Variants in TECR observed in about 807,000 individuals in gnomAD.
TECR encodes the protein trans-2,3-enoyl-CoA reductase.
A neutral mutation model predicts 50.6 loss-of-function variants in TECR; 19 were observed. That is an observed-to-expected ratio of 0.38 (90% CI 0.26 to 0.55). TECR has a LOEUF of 0.55. Ranked by LOEUF, TECR falls within the 20% of genes least tolerant of loss-of-function variation. The pLI, the probability that TECR is intolerant of heterozygous loss-of-function variation, is 0.79. For synonymous variants in TECR, 168 were observed against 163.5 expected, an observed-to-expected ratio of 1.03 and a Z score of -0.21; for missense variants, 313 against 408.3, an observed-to-expected ratio of 0.77 and a Z score of 2.01.
Position 14,563,506 on chromosome 19 carries a change from C to G in TECR, c.119-152C>G. 9.5e-7 allele frequency: 1 copy of G among 1,047,482 alleles called. No individual in the cohort carries two copies. The highest frequency in any genetic ancestry group is 1.4e-6 in the Non-Finnish European group (1 of 698,722). 64.9% of individuals were successfully genotyped at this position (1,047,482 alleles called of 1,614,324 possible). ...TTCTGGCTTGTGTCCTGAAACCGCA[C>G]AAGCCTGAGGGTTTGCCCCCAGGTG... On this transcript the variant is annotated intron_variant, in intron 3 of 12. Coordinates refer to ENST00000215567, the MANE Select transcript of TECR (RefSeq NM_138501.6). This position sits in a 1 kb window ranked among gnomAD's most constrained non-coding sequence, Gnocchi z 5.3.
intron 1 of TECR, among the ~76,000 whole-genome samples, chr19:14,543,408 TATATATATATA>T (rs1168055415): frequency 0.022 from 223 of 10,300 alleles, 2 homozygotes; most frequent in South Asian, 0.073. Context: ...TATATATATA[TATATATATATA>T]TTTTTTTTTT....
intron 2 of TECR, chr19:14,562,993 A>G: frequency 3.2e-6 from 2 of 621,550 alleles, no homozygotes; most frequent in Non-Finnish European, 2.8e-6. Context: ...CTGCTGGCTG[A>G]GGGTAAAAGT....
chr19:14,548,184 G>A (rs777071934), intron 1 of TECR, among the ~76,000 whole-genome samples: 11 of 151,698 alleles, frequency 7.3e-5, no homozygotes, highest in African/African-American at 2.7e-4. Flanking sequence ...GGATCGTGTC[G>A]ATCTCCTGAC....
rs371527318 is a variant in TECR, at chr19:14,540,057, T to A, written c.15+10346T>A. On this transcript the variant is annotated intron_variant, in intron 1 of 12. Transcript: ENST00000215567. ...ACCATGCCTGGCTAATTTTTGAATTTATTTAATTTTTTTTTTTTTTGAGAC... is the reference window on the plus strand; with the variant it reads ...ACCATGCCTGGCTAATTTTTGAATTAATTTAATTTTTTTTTTTTTTGAGAC... Among the ~76,000 whole-genome samples the A allele has an allele frequency of 5.1e-4, 72 of 141,946 alleles. No individual in the cohort carries two copies. The South Asian group carries it at 0.01, about 20-fold the overall frequency. The allele number at this position is 141,946 out of a possible 152,430, so 93.1% of individuals were successfully genotyped here.
chr19:14,559,041 G>A (rs1232892025), intron 1 of TECR, among the ~76,000 whole-genome samples: 3 of 152,138 alleles, frequency 2.0e-5, no homozygotes, highest in Non-Finnish European at 2.9e-5. Flanking sequence ...TGTGGGGCGC[G>A]GAGCCCTCGA....
rs201367074 is a variant in TECR, at chr19:14,534,588, AC to A, written c.15+4879del. Among the ~76,000 whole-genome samples the A allele has an allele frequency of 6.8e-3, 1,039 of 152,030 alleles. 12 individuals are homozygous for A. The highest frequency in any genetic ancestry group is 0.024 in the African/African-American group (1,000 of 41,456). ...GTAGCTGTTATTACAGGTGGGTGCC[AC>A]CATGCCCGGCTAATTTCTGTAGTTT... On this transcript the variant is annotated intron_variant, in intron 1 of 12. Transcript: ENST00000215567.
At chr19:14,550,410 G>T (rs943180619) in intron 1 of TECR, among the ~76,000 whole-genome samples, 4 of 152,112 alleles carry the variant, frequency 2.6e-5, no homozygotes, top group Admixed American at 2.0e-4. Flanking sequence ...GCAGTCGGGG[G>T]TTGGCCCGGA....
At chr19:14,556,368 G>A (rs566128118) in intron 1 of TECR, among the ~76,000 whole-genome samples, 3 of 151,318 alleles carry the variant, frequency 2.0e-5, no homozygotes, top group South Asian at 2.1e-4. Context: ...AGCCGAGATC[G>A]CGCCACTGCA....
At chr19:14,529,431 C>T, upstream of TECR, 3 of 616,122 alleles carry the variant, frequency 4.9e-6, no homozygotes, top group Non-Finnish European at 8.8e-6. Flanking sequence ...GGCGTTCCGC[C>T]CCCTTCGATT....
intron 1 of TECR, among the ~76,000 whole-genome samples, chr19:14,552,565 G>A (rs183342804): frequency 7.0e-6 from 1 of 142,630 alleles, no homozygotes; most frequent in East Asian, 2.1e-4. Context: ...GAGGAGTCTC[G>A]TTCTGTCGCC....
chr19:14,563,969 C>G lies in TECR; in HGVS notation c.268-13C>G, dbSNP rs1461169125. 6.2e-7 allele frequency: 1 copy of G among 1,614,012 alleles called. No individual in the cohort carries two copies. The highest frequency in any genetic ancestry group is 8.5e-7 in the Non-Finnish European group (1 of 1,179,884). ...CACGTTGGGTGACTCATCTTGCCCC[C>G]CTCTACTCTCAGGTCTTCCTAACAG... On this transcript the variant is annotated splice_polypyrimidine_tract_variant and intron_variant, in intron 5 of 12. Coordinates refer to ENST00000215567, the MANE Select transcript of TECR (RefSeq NM_138501.6). This position sits in a 1 kb window ranked among gnomAD's most constrained non-coding sequence, Gnocchi z 5.3.
At chr19:14,555,963 G>A (rs1198337819) in intron 1 of TECR, among the ~76,000 whole-genome samples, 1 of 152,116 alleles carries the variant, frequency 6.6e-6, no homozygotes, top group Non-Finnish European at 1.5e-5. Flanking sequence ...ACCCAGCAGT[G>A]GCAAGCAGGT....
intron 1 of TECR, among the ~76,000 whole-genome samples, chr19:14,533,179 G>A (rs2072736301): frequency 6.6e-6 from 1 of 151,888 alleles, no homozygotes; most frequent in Non-Finnish European, 1.5e-5. Flanking sequence ...CCAGCACTTT[G>A]GGACACCAAG....
intron 1 of TECR, among the ~76,000 whole-genome samples, chr19:14,538,090 A>G (rs1257311020): frequency 6.6e-6 from 1 of 152,134 alleles, no homozygotes; most frequent in African/African-American, 2.4e-5. Context: ...CGTGTACTAA[A>G]CATAAGACGT....
In TECR at chr19:14,542,347, G is replaced by GTTTTTT. The variant is rs71166754; in HGVS notation, c.15+12660_15+12665dup. ...CCTCAGGGGGCCCTCATGCCATAGTGTTTTTTTTTTTTTTTTTTTTTTTTT... is the reference window on the plus strand; with the variant it reads ...CCTCAGGGGGCCCTCATGCCATAGTGTTTTTTTTTTTTTTTTTTTTTTTTTTTTTTT... On this transcript the variant is annotated intron_variant, in intron 1 of 12. Transcript: ENST00000215567. 5.3e-4 allele frequency among the ~76,000 whole-genome samples: 23 copies of GTTTTTT among 43,296 alleles called. 2 individuals carry two copies. The highest frequency in any genetic ancestry group is 1.9e-3 in the South Asian group (2 of 1,080). 28.4% of individuals were successfully genotyped at this position (43,296 alleles called of 152,430 possible).
At chr19:14,552,531 T>C (rs2073565296) in intron 1 of TECR, among the ~76,000 whole-genome samples, 1 of 151,166 alleles carries the variant, frequency 6.6e-6, no homozygotes, top group Non-Finnish European at 1.5e-5. Flanking sequence ...TCTTTTTCTT[T>C]TCTTTTCTTT....
chr19:14,542,359 T>G (rs947829332), intron 1 of TECR, among the ~76,000 whole-genome samples: 14 of 124,930 alleles, frequency 1.1e-4, no homozygotes, highest in African/African-American at 4.1e-4. Flanking sequence ...TTTTTTTTTT[T>G]TTTTTTTTTT....
chr19:14,564,273 C>T lies in TECR; in HGVS notation c.475C>T (p.Arg159Cys), dbSNP rs775199162. 1.9e-6 allele frequency: 3 copies of T among 1,605,320 alleles called. No individual in the cohort carries two copies. Among genetic ancestry groups the T allele is most frequent in the South Asian group, 2.2e-5 (2 of 91,076 alleles). The change falls in exon 7 of 13, where the codon CGC (arginine) becomes TGC (cysteine). Residue 159 changes from arginine (R) to cysteine (C), a missense_variant. Coordinates refer to ENST00000215567, the MANE Select transcript of TECR (RefSeq NM_138501.6). Reference protein sequence around the residue: ...HRFSHGTMPLRNIFKNCTYYW... With the variant: ...HRFSHGTMPLCNIFKNCTYYW... ...CTTCTCCCATGGCACTATGCCTTTG[C>T]GCAACATCTTCAAGGTGAGAGCCCG...
intron 1 of TECR, among the ~76,000 whole-genome samples, chr19:14,552,661 A>T (rs969115601): frequency 1.3e-5 from 2 of 151,536 alleles, no homozygotes; most frequent in Non-Finnish European, 2.9e-5. Flanking sequence ...CAGCCTCCCG[A>T]GTAGCTGGGA....
Sources: allele counts gnomAD v4.1 joint callset (sites outside exome capture counted in the v4.1 genomes callset), GRCh38; gene constraint gnomAD v4.1.1; non-coding constraint Gnocchi (gnomAD v3.1); transcripts MANE v1.5; gene names NCBI Gene and HGNC (gene_info 2026-07-23, HGNC 2026-07-21).